VPS45: variants seen among roughly 807,000 people sequenced by gnomAD.
VPS45 encodes vacuolar protein sorting-associated protein 45.
VPS45 carries 35 observed loss-of-function variants against 75.9 expected under a neutral mutation model. The observed-to-expected ratio is 0.46, with a 90% CI of 0.35 to 0.61. The LOEUF is 0.61. VPS45 is among the 20% of genes least tolerant of loss of function. The pLI, the probability that VPS45 is intolerant of heterozygous loss-of-function variation, is 0.00. For missense variants in VPS45, 559 were observed against 685.9 expected, an observed-to-expected ratio of 0.81 and a Z score of 2.07; for synonymous variants, 220 against 238.2, an observed-to-expected ratio of 0.92 and a Z score of 0.70.
At chr1:150,127,607 T>C (rs781849854) in intron 14 of VPS45, among the ~76,000 whole-genome samples, 4 of 152,222 alleles carry the variant, frequency 2.6e-5, no homozygotes, top group Non-Finnish European at 5.9e-5. Context: ...ATTTTTATAA[T>C]TGTTATCAAC....
chr1:150,134,230 AG>A (rs1377811722), intron 14 of VPS45, among the ~76,000 whole-genome samples: 23 of 152,182 alleles, frequency 1.5e-4, no homozygotes, highest in African/African-American at 4.6e-4. Flanking sequence ...CATTTTTAAA[AG>A]GGTTCTATAG....
At chr1:150,120,861 A>G (rs1484191446) in intron 14 of VPS45, among the ~76,000 whole-genome samples, 4 of 122,500 alleles carry the variant, frequency 3.3e-5, no homozygotes, top group African/African-American at 1.2e-4. Flanking sequence ...CCTTAGCAAC[A>G]TTCTTTTTTT....
chr1:150,093,622 T>C lies in VPS45; in HGVS notation c.1467T>C (p.Tyr489=), dbSNP rs150044678. Residue 489 remains tyrosine, a synonymous_variant, in exon 13 of 15, where the codon TAT becomes TAC. Transcript: ENST00000644510. ...KGRLKENLYP[Y]LGPSTLRDRP... ...GGCTTAAGGAAAACCTATATCCTTA[T>C]TTAGGCCCCAGCACACTCAGAGACA... is the stretch of plus-strand genomic sequence containing the variant. The C allele has an allele frequency of 3.7e-6, 6 of 1,613,550 alleles. No homozygotes were observed. The African/African-American group carries it at 6.7e-5, about 18-fold the overall frequency.
chr1:150,136,198 G>A (rs1473998651), intron 14 of VPS45, among the ~76,000 whole-genome samples: 16 of 141,428 alleles, frequency 1.1e-4, no homozygotes, highest in Admixed American at 7.2e-4. Context: ...GCAGTGAGCC[G>A]AGATCGTCCC....
At chr1:150,093,961 T>C (rs782421327) in intron 13 of VPS45, among the ~76,000 whole-genome samples, 4 of 152,314 alleles carry the variant, frequency 2.6e-5, no homozygotes, top group South Asian at 4.1e-4. Flanking sequence ...GTTTCAAACA[T>C]TGAGGCCAAA....
intron 13 of VPS45, chr1:150,109,403 T>C (rs1657517187): frequency 6.6e-6 from 1 of 152,220 alleles, no homozygotes; most frequent in South Asian, 2.1e-4. Context: ...TAGCTGATTC[T>C]GTTTCAGTGA....
At chr1:150,069,707 T>C (rs587643224) in intron 2 of VPS45, among the ~76,000 whole-genome samples, 4 of 152,202 alleles carry the variant, frequency 2.6e-5, no homozygotes, top group African/African-American at 9.6e-5. Context: ...CCGCCCGCCT[T>C]GGCCTCCCAA....
chr1:150,094,663 T>C (rs2101572542), intron 13 of VPS45, among the ~76,000 whole-genome samples: 1 of 152,318 alleles, frequency 6.6e-6, no homozygotes, highest in South Asian at 2.1e-4. Context: ...GATTCAGAAA[T>C]GTCAGCTAAG....
At chr1:150,082,643 AC>A (rs1655781665) in intron 9 of VPS45, 72 bp from the exon 10 acceptor site, 1 of 1,523,918 alleles carries the variant, frequency 6.6e-7, no homozygotes, top group South Asian at 1.3e-5. Flanking sequence ...GCTTTCCCCA[AC>A]CCCCATTCAG....
intron 14 of VPS45, among the ~76,000 whole-genome samples, chr1:150,143,327 C>T (rs1195090371): frequency 1.3e-5 from 2 of 152,086 alleles, no homozygotes; most frequent in African/African-American, 2.4e-5. Flanking sequence ...CAGTGGCTCA[C>T]GCTTGTAATC....
chr1:150,122,870 G>A (rs782755625), intron 14 of VPS45, among the ~76,000 whole-genome samples: 15 of 150,482 alleles, frequency 1.0e-4, no homozygotes, highest in Non-Finnish European at 1.9e-4. Context: ...ATGGTGGCAC[G>A]CACCTGTAAT....
At position 150,076,950 on chromosome 1, in the gene VPS45, A is replaced by G. The variant is rs781981353; in HGVS notation, c.404A>G (p.His135Arg). The G allele has an allele frequency of 3.7e-6, 6 of 1,614,136 alleles. No individual in the cohort carries two copies. Among genetic ancestry groups the G allele is most frequent in the Non-Finnish European group, 8.5e-7 (1 of 1,180,016 alleles). The change falls in exon 5 of 15, where the codon CAT becomes CGT. Residue 135 changes from histidine to arginine, a missense_variant. Coordinates refer to ENST00000644510, the MANE Select transcript of VPS45 (RefSeq NM_007259.5). ...GGTGATTACATTGCTGTGAACCCAC[A>G]TTTGTTTTCCCTCAATATTTTGGGT... is the stretch of plus-strand genomic sequence containing the variant. ...FYGDYIAVNP[H>R]LFSLNILGCC...
chr1:150,130,988 A>G (rs868958757), intron 14 of VPS45, among the ~76,000 whole-genome samples: 1 of 152,184 alleles, frequency 6.6e-6, no homozygotes. Context: ...TAGCAGGGAA[A>G]TACAGAGCTG....
intron 13 of VPS45, 181 bp from the exon 14 acceptor site, chr1:150,110,315 C>T (rs1657574472): frequency 3.7e-6 from 2 of 543,844 alleles, no homozygotes; most frequent in Non-Finnish European, 6.3e-6. Flanking sequence ...TCAGCATTTC[C>T]TGCTCTGTTT....
intron 14 of VPS45, among the ~76,000 whole-genome samples, chr1:150,131,466 G>A (rs1219722708): frequency 2.0e-5 from 3 of 151,932 alleles, no homozygotes; most frequent in East Asian, 1.9e-4. Flanking sequence ...AGACAAGATC[G>A]CACCATTGCA....
chr1:150,131,399 T>C (rs1357655896), intron 14 of VPS45, among the ~76,000 whole-genome samples: 7 of 151,834 alleles, frequency 4.6e-5, no homozygotes, highest in African/African-American at 1.7e-4. Context: ...ATCCAGATAC[T>C]CAGGAGGCTG....
chr1:150,115,968 G>A (rs1316296974), intron 14 of VPS45, among the ~76,000 whole-genome samples: 1 of 152,102 alleles, frequency 6.6e-6, no homozygotes, highest in African/African-American at 2.4e-5. Context: ...TTCCCTTTTT[G>A]TGCTGACCCT....
chr1:150,110,404 A>AG (rs1657581590), intron 13 of VPS45, 92 bp from the exon 14 acceptor site: 2 of 1,325,024 alleles, frequency 1.5e-6, no homozygotes. Context: ...TCCACCAAAA[A>AG]AAAAGATTTA....
intron 14 of VPS45, among the ~76,000 whole-genome samples, chr1:150,123,035 T>C (rs1446422418): frequency 6.7e-6 from 1 of 149,864 alleles, no homozygotes; most frequent in East Asian, 2.0e-4. Flanking sequence ...AATCCCCCTC[T>C]CCAGCCCTAA....
Sources: gnomAD v4.1 joint callset for allele counts (sites outside exome capture counted in the v4.1 genomes callset) on GRCh38, gnomAD v4.1.1 for gene constraint, MANE v1.5 for transcripts, NCBI Gene and HGNC (gene_info 2026-07-23, HGNC 2026-07-21) for gene names.